Variants in TSPAN12 observed in about 807,000 individuals in gnomAD.
The protein encoded by TSPAN12 is tetraspanin 12, also known as tetraspanin-12.
A neutral mutation model predicts 39.2 loss-of-function variants in TSPAN12; 19 were observed. The observed-to-expected ratio is 0.49, with a 90% CI of 0.34 to 0.71. The LOEUF is 0.71. TSPAN12 is among the 30% of genes least tolerant of loss of function. TSPAN12 has a pLI of 0.01. For synonymous variants in TSPAN12, 119 were observed against 124.8 expected (o/e 0.95, Z 0.31); for missense variants, 314 against 359.9 (o/e 0.87, Z 1.03).
intron 2 of TSPAN12, among the ~76,000 whole-genome samples, chr7:120,854,674 C>G (rs767635009): frequency 2.1e-4 from 32 of 152,140 alleles, no homozygotes; most frequent in Non-Finnish European, 3.4e-4. Flanking sequence ...TCCTATGACT[C>G]TAACCCAAAT....
At chr7:120,806,731 A>C in intron 6 of TSPAN12, 39 bp from the exon 7 acceptor site, 1 of 1,612,264 alleles carries the variant, frequency 6.2e-7, no homozygotes, top group Non-Finnish European at 8.5e-7. Flanking sequence ...GAAACCACAA[A>C]AATATTTTCT....
chr7:120,831,129 C>G (rs1244347880), intron 4 of TSPAN12, among the ~76,000 whole-genome samples: 1 of 151,768 alleles, frequency 6.6e-6, no homozygotes, highest in African/African-American at 2.4e-5. Flanking sequence ...TGTTTACTAT[C>G]AAAAAGACAA....
At chr7:120,845,251 T>G (rs1407536872) in intron 2 of TSPAN12, among the ~76,000 whole-genome samples, 2 of 152,184 alleles carry the variant, frequency 1.3e-5, no homozygotes, top group African/African-American at 4.8e-5. Flanking sequence ...GGGCCTGTGA[T>G]GGGAGGGTCT....
intron 4 of TSPAN12, among the ~76,000 whole-genome samples, chr7:120,829,841 GT>G (rs1289103494): frequency 2.0e-5 from 3 of 152,018 alleles, no homozygotes; most frequent in Non-Finnish European, 4.4e-5. Context: ...CTATAATAAG[GT>G]TTAAAATGCT....
chr7:120,842,183 T>C (rs1303864620), intron 2 of TSPAN12, among the ~76,000 whole-genome samples: 1 of 152,244 alleles, frequency 6.6e-6, no homozygotes, highest in Non-Finnish European at 1.5e-5. Flanking sequence ...TGAAACGTGC[T>C]TTCTGCATGA....
intron 2 of TSPAN12, among the ~76,000 whole-genome samples, chr7:120,851,158 G>A (rs1194703003): frequency 1.3e-5 from 2 of 152,148 alleles, no homozygotes; most frequent in Admixed American, 1.3e-4. Context: ...ATTCATAAAT[G>A]TCCTTCCTGT....
intron 2 of TSPAN12, among the ~76,000 whole-genome samples, chr7:120,856,043 G>C (rs1279511462): frequency 6.6e-6 from 1 of 152,076 alleles, no homozygotes; most frequent in Non-Finnish European, 1.5e-5. Flanking sequence ...TTAACTCATA[G>C]GGCATAAAGA....
intron 2 of TSPAN12, among the ~76,000 whole-genome samples, chr7:120,853,188 G>C (rs1794802225): frequency 6.6e-6 from 1 of 151,190 alleles, no homozygotes; most frequent in African/African-American, 2.4e-5. Context: ...CTGCCTCCCA[G>C]GTTCAAGTGA....
At position 120,788,777 on chromosome 7, in the gene TSPAN12, G is replaced by A; in HGVS notation, c.733C>T (p.Leu245Phe). The change falls in exon 8 of 8, where the codon CTC (leucine) becomes TTC (phenylalanine). Residue 245 changes from leucine (L) to phenylalanine (F), a missense_variant. Leu to Phe is a conservative substitution (Grantham distance 22). Transcript: ENST00000222747. ...ILAMILTITL[L>F]WALYYDRREP... ...CTTCTATCATAATACAGAGCCCAGA[G>A]CAGAGTAATGGTGAGAATCATGGCC... 1 of 1,614,170 alleles carries A rather than the reference G, an allele frequency of 6.2e-7. No individual in the cohort carries two copies. Among genetic ancestry groups the A allele is most frequent in the Non-Finnish European group, 8.5e-7 (1 of 1,180,028 alleles).
chr7:120,825,322 G>A (rs2116419552), intron 4 of TSPAN12, among the ~76,000 whole-genome samples: 1 of 152,154 alleles, frequency 6.6e-6, no homozygotes, highest in Middle Eastern at 3.4e-3. Flanking sequence ...TTTTTCATGA[G>A]TAACATTCAA....
chr7:120,799,546 A>ATATATAATTATATATAAT (rs1554399128), intron 7 of TSPAN12, among the ~76,000 whole-genome samples: 2 of 103,738 alleles, frequency 1.9e-5, no homozygotes, highest in African/African-American at 8.2e-5. Context: ...ATATATAATT[A>ATATATAATTATATATAAT]TATATATAAT....
At chr7:120,823,179 T>C (rs1258020003) in intron 4 of TSPAN12, among the ~76,000 whole-genome samples, 1 of 151,728 alleles carries the variant, frequency 6.6e-6, no homozygotes, top group Non-Finnish European at 1.5e-5. Flanking sequence ...GGGTCTAAAA[T>C]AAAAGGGAGG....
intron 7 of TSPAN12, among the ~76,000 whole-genome samples, chr7:120,798,663 G>A (rs1413239635): frequency 6.6e-6 from 1 of 152,114 alleles, no homozygotes; most frequent in Non-Finnish European, 1.5e-5. Flanking sequence ...AGTAAAAAAT[G>A]CCCACATATT....
intron 2 of TSPAN12, among the ~76,000 whole-genome samples, chr7:120,841,495 C>G (rs1441191255): frequency 6.6e-6 from 1 of 152,118 alleles, no homozygotes; most frequent in African/African-American, 2.4e-5. Flanking sequence ...CAGTGCAATA[C>G]ATTGACCTGG....
intron 7 of TSPAN12, among the ~76,000 whole-genome samples, chr7:120,804,415 G>C (rs1041754335): frequency 6.6e-6 from 1 of 152,064 alleles, no homozygotes; most frequent in Non-Finnish European, 1.5e-5. Flanking sequence ...AAAAGAACTA[G>C]GTTCAGTGCC....
chr7:120,820,383 G>C (rs925700210), intron 4 of TSPAN12, among the ~76,000 whole-genome samples: 4 of 152,080 alleles, frequency 2.6e-5, no homozygotes, highest in African/African-American at 9.7e-5. Context: ...TTGGAAAATG[G>C]AAAGCGTTAT....
chr7:120,799,806 T>C (rs1452821008), intron 7 of TSPAN12, among the ~76,000 whole-genome samples: 2 of 137,532 alleles, frequency 1.5e-5, no homozygotes, highest in Admixed American at 7.8e-5. Flanking sequence ...ATTAAATATT[T>C]ATTATATTTA....
At chr7:120,834,137 C>T (rs374768099) in intron 4 of TSPAN12, among the ~76,000 whole-genome samples, 10 of 152,020 alleles carry the variant, frequency 6.6e-5, no homozygotes, top group South Asian at 6.2e-4. Flanking sequence ...CTAATGAGTA[C>T]GTTTGCCAGA....
At chr7:120,799,398 T>A (rs962679615) in intron 7 of TSPAN12, among the ~76,000 whole-genome samples, 5 of 142,590 alleles carry the variant, frequency 3.5e-5, no homozygotes, top group Non-Finnish European at 6.1e-5. Flanking sequence ...ATATATTTAT[T>A]ATATTAAATA....
Sources: gnomAD v4.1 joint callset for allele counts (sites outside exome capture counted in the v4.1 genomes callset) on GRCh38, gnomAD v4.1.1 for gene constraint, MANE v1.5 for transcripts, NCBI Gene and HGNC (gene_info 2026-07-23, HGNC 2026-07-21) for gene names.